Variants in PRKCE observed in about 807,000 individuals in gnomAD.
PRKCE encodes protein kinase C epsilon, also known as protein kinase C epsilon type.
A neutral mutation model predicts 85.4 loss-of-function variants in PRKCE; 16 were observed. The ratio of observed to expected loss-of-function variants is 0.19; its 90% CI spans 0.13 to 0.28. PRKCE has a LOEUF of 0.28. Ranked by LOEUF, PRKCE falls within the 10% of genes least tolerant of loss-of-function variation. PRKCE has a pLI of 1.00. For synonymous variants in PRKCE, 388 were observed against 371.5 expected (o/e 1.04, Z -0.51); for missense variants, 573 against 975.2 (o/e 0.59, Z 5.49).
At chr2:45,912,895 G>A (rs1301258774) in intron 2 of PRKCE, among the ~76,000 whole-genome samples, 1 of 152,142 alleles carries the variant, frequency 6.6e-6, no homozygotes, top group Non-Finnish European at 1.5e-5. Context: ...AGCCCAGAAT[G>A]AAGTCCTGAT....
chr2:45,992,341 C>T (rs967020815), intron 6 of PRKCE, among the ~76,000 whole-genome samples: 9 of 152,212 alleles, frequency 5.9e-5, no homozygotes, highest in East Asian at 1.9e-4. Context: ...TCGTGGTCCC[C>T]GGAAAGCTCT....
intron 1 of PRKCE, among the ~76,000 whole-genome samples, chr2:45,827,562 C>T (rs1047615501): frequency 6.6e-6 from 1 of 152,132 alleles, no homozygotes; most frequent in Non-Finnish European, 1.5e-5. Context: ...AGGAGAGTTG[C>T]CCATTTTCAG....
At chr2:46,012,121 T>A (rs1705733009) in intron 10 of PRKCE, among the ~76,000 whole-genome samples, 1 of 152,200 alleles carries the variant, frequency 6.6e-6, no homozygotes, top group South Asian at 2.1e-4. Flanking sequence ...AACTTTCTTC[T>A]TTTTTCCACT....
At chr2:45,681,532 A>G (rs912833979) in intron 1 of PRKCE, among the ~76,000 whole-genome samples, 3 of 152,138 alleles carry the variant, frequency 2.0e-5, no homozygotes, top group Non-Finnish European at 4.4e-5. Flanking sequence ...CAGGCCAGCC[A>G]AAATTGTTTT....
chr2:45,889,822 A>T (rs897053553), intron 2 of PRKCE, among the ~76,000 whole-genome samples: 2 of 152,204 alleles, frequency 1.3e-5, no homozygotes, highest in African/African-American at 4.8e-5. Flanking sequence ...CACAAAGGTC[A>T]CGCACTCCTC....
intron 11 of PRKCE, among the ~76,000 whole-genome samples, chr2:46,097,732 C>T (rs1460940163): frequency 2.6e-5 from 4 of 152,154 alleles, no homozygotes; most frequent in African/African-American, 9.7e-5. Flanking sequence ...AAGAGCTTGT[C>T]CCCTACTAAA....
chr2:45,688,072 C>A (rs1041567100), intron 1 of PRKCE, among the ~76,000 whole-genome samples: 2 of 152,164 alleles, frequency 1.3e-5, no homozygotes, highest in Admixed American at 1.3e-4. Flanking sequence ...TTTCTTGACA[C>A]CCAGCAAATA....
At chr2:45,750,660 C>T (rs998587568) in intron 1 of PRKCE, among the ~76,000 whole-genome samples, 3 of 152,182 alleles carry the variant, frequency 2.0e-5, no homozygotes, top group African/African-American at 7.2e-5. Flanking sequence ...TACTGCTATG[C>T]CTCAGTTTTC....
chr2:46,065,769 A>G (rs1380930308), intron 10 of PRKCE, among the ~76,000 whole-genome samples: 1 of 152,208 alleles, frequency 6.6e-6, no homozygotes, highest in East Asian at 1.9e-4. Flanking sequence ...TATATTTCCA[A>G]GCCATAAATG....
intron 2 of PRKCE, among the ~76,000 whole-genome samples, chr2:45,932,509 T>A (rs1005448597): frequency 6.6e-6 from 1 of 152,232 alleles, no homozygotes; most frequent in Non-Finnish European, 1.5e-5. Context: ...TGTACAAATT[T>A]ACACACCCAC....
At position 45,895,956 on chromosome 2, in the gene PRKCE, A is replaced by G. The variant is rs1368810556; in HGVS notation, c.412+52893A>G. Among the ~76,000 whole-genome samples the G allele has an allele frequency of 6.6e-6, 1 of 152,188 alleles. No individual in the cohort carries two copies. Among genetic ancestry groups the G allele is most frequent in the Non-Finnish European group, 1.5e-5 (1 of 68,024 alleles). ...ACACTGTCCACGAGGAAGGCCTCAGATGAAGGAGGGCACTTCAGGTAGAGC... is the reference window on the plus strand; with the variant it reads ...ACACTGTCCACGAGGAAGGCCTCAGGTGAAGGAGGGCACTTCAGGTAGAGC... On this transcript the variant is annotated intron_variant, in intron 2 of 14. Coordinates refer to ENST00000306156, the MANE Select transcript of PRKCE (RefSeq NM_005400.3). This position sits in a 1 kb window ranked among gnomAD's most constrained non-coding sequence, Gnocchi z 4.8.
intron 1 of PRKCE, among the ~76,000 whole-genome samples, chr2:45,734,444 C>A (rs550524841): frequency 2.2e-4 from 33 of 152,128 alleles, no homozygotes; most frequent in African/African-American, 7.9e-4. Flanking sequence ...TGCTTGCAGT[C>A]CTGAAAGACA....
chr2:46,086,156 G>A (rs969563554), intron 10 of PRKCE, 52 bp from the exon 11 acceptor site: 1 of 1,574,838 alleles, frequency 6.3e-7, no homozygotes, highest in African/African-American at 1.3e-5. Context: ...GCTGGCCTGT[G>A]TGGGCAGCTG....
At chr2:45,792,924 G>C (rs1687144852) in intron 1 of PRKCE, among the ~76,000 whole-genome samples, 1 of 152,144 alleles carries the variant, frequency 6.6e-6, no homozygotes, top group African/African-American at 2.4e-5. Flanking sequence ...TTAGCCTCCA[G>C]AGTAGCTGGG....
chr2:46,021,814 G>A (rs768352952), intron 10 of PRKCE, among the ~76,000 whole-genome samples: 1 of 152,058 alleles, frequency 6.6e-6, no homozygotes, highest in Non-Finnish European at 1.5e-5. Context: ...GCCATCTATT[G>A]GATTTCAGAA....
At chr2:45,965,684 A>G (rs1701684565) in intron 2 of PRKCE, among the ~76,000 whole-genome samples, 1 of 152,248 alleles carries the variant, frequency 6.6e-6, no homozygotes, top group Non-Finnish European at 1.5e-5. Context: ...CATTGCCTGG[A>G]ATCCAGTGTC....
At chr2:46,074,441 A>G (rs1472349482) in intron 10 of PRKCE, among the ~76,000 whole-genome samples, 2 of 151,456 alleles carry the variant, frequency 1.3e-5, no homozygotes, top group South Asian at 2.1e-4. Flanking sequence ...AAAAAAAAAA[A>G]AAAAAAAGAA....
intron 1 of PRKCE, among the ~76,000 whole-genome samples, chr2:45,730,249 C>G (rs1178900942): frequency 2.6e-5 from 4 of 152,124 alleles, no homozygotes; most frequent in Middle Eastern, 3.2e-3. Flanking sequence ...AGTTTTTGGG[C>G]TCAAACAACC....
chr2:45,944,662 T>TTTTC (rs1354685972), intron 2 of PRKCE, among the ~76,000 whole-genome samples: 4 of 96,200 alleles, frequency 4.2e-5, no homozygotes, highest in Non-Finnish European at 8.5e-5. Flanking sequence ...CTAATTTTTT[T>TTTTC]TTTTTTTTTT....
Sources: allele counts gnomAD v4.1 joint callset (sites outside exome capture counted in the v4.1 genomes callset), GRCh38; gene constraint gnomAD v4.1.1; non-coding constraint Gnocchi (gnomAD v3.1); transcripts MANE v1.5; gene names NCBI Gene and HGNC (gene_info 2026-07-23, HGNC 2026-07-21).